SRD5A2: variants seen among roughly 807,000 people sequenced by gnomAD.
SRD5A2 encodes steroid 5 alpha-reductase 2.
A neutral mutation model predicts 27.4 loss-of-function variants in SRD5A2; 30 were observed. That is an observed-to-expected ratio of 1.10 (90% CI 0.82 to 1.49). The LOEUF (loss-of-function observed/expected upper bound fraction) is 1.49. Among genes scored for constraint, SRD5A2 ranks in the 40% most tolerant of loss-of-function variants. SRD5A2 has a pLI of 0.00. For synonymous variants in SRD5A2, 141 were observed against 133.6 expected, an observed-to-expected ratio of 1.06 and a Z score of -0.38; for missense variants, 348 against 323.4, an observed-to-expected ratio of 1.08 and a Z score of -0.58.
chr2:31,562,443 A>T (rs559176675), intron 1 of SRD5A2, among the ~76,000 whole-genome samples: 1 of 152,252 alleles, frequency 6.6e-6, no homozygotes, highest in South Asian at 2.1e-4. Flanking sequence ...TATTGACTGT[A>T]GTCAGTCTGT....
chr2:31,575,109 T>A (rs493165), intron 1 of SRD5A2, among the ~76,000 whole-genome samples: 152,344 of 152,346 alleles, frequency 1, 76,171 homozygotes, highest in Middle Eastern at 1. Context: ...AATGTTGCTT[T>A]TCTTGCTTGG....
At chr2:31,618,663 T>C in the SRD5A2 span, among the ~76,000 whole-genome samples, 1 of 152,062 alleles carries the variant, frequency 6.6e-6, no homozygotes, top group Non-Finnish European at 1.5e-5. Context: ...GGTGGTTACC[T>C]GAGGCTAAGG....
chr2:31,569,712 C>T (rs772192899), intron 1 of SRD5A2, among the ~76,000 whole-genome samples: 1 of 149,374 alleles, frequency 6.7e-6, no homozygotes, highest in East Asian at 1.9e-4. Context: ...AACTTTGATT[C>T]AAACTTGGAA....
At chr2:31,661,489 C>T in the SRD5A2 span, among the ~76,000 whole-genome samples, 1 of 152,120 alleles carries the variant, frequency 6.6e-6, no homozygotes, top group African/African-American at 2.4e-5. Context: ...TCTTCCAAGG[C>T]TGTTTGATAT....
At chr2:31,576,640 A>T (rs1407161498) in intron 1 of SRD5A2, among the ~76,000 whole-genome samples, 12 of 57,276 alleles carry the variant, frequency 2.1e-4, no homozygotes, top group African/African-American at 7.9e-4. Flanking sequence ...AGCCATCCCA[A>T]TACTGGGTAT....
the SRD5A2 span, among the ~76,000 whole-genome samples, chr2:31,631,894 C>A: frequency 6.6e-6 from 1 of 152,114 alleles, no homozygotes; most frequent in African/African-American, 2.4e-5. Context: ...CAGACATTTA[C>A]TAACTTGCGT....
At chr2:31,607,839 T>G in the SRD5A2 span, among the ~76,000 whole-genome samples, 1 of 151,968 alleles carries the variant, frequency 6.6e-6, no homozygotes. Context: ...CCCACCCCAG[T>G]GTGATAGTAT....
chr2:31,631,508 C>G, the SRD5A2 span, among the ~76,000 whole-genome samples: 4 of 152,034 alleles, frequency 2.6e-5, no homozygotes, highest in Non-Finnish European at 5.9e-5. Context: ...AAAAACACCC[C>G]TAAGATGTAT....
chr2:31,558,044 T>C (rs1666535296), intron 1 of SRD5A2, among the ~76,000 whole-genome samples: 2 of 152,204 alleles, frequency 1.3e-5, no homozygotes, highest in Admixed American at 6.5e-5. Flanking sequence ...TAAAGCTTTT[T>C]AGCCATGGAG....
At chr2:31,554,166 CT>C (rs1666444057) in intron 1 of SRD5A2, among the ~76,000 whole-genome samples, 1 of 152,082 alleles carries the variant, frequency 6.6e-6, no homozygotes, top group Non-Finnish European at 1.5e-5. Context: ...CACATAACAT[CT>C]GTTGTGAGTA....
At chr2:31,645,093 C>A in the SRD5A2 span, among the ~76,000 whole-genome samples, 1 of 152,150 alleles carries the variant, frequency 6.6e-6, no homozygotes, top group Admixed American at 6.5e-5. Flanking sequence ...CTAATTCTGG[C>A]ATCACACTTG....
the SRD5A2 span, among the ~76,000 whole-genome samples, chr2:31,652,711 C>T: frequency 6.6e-6 from 1 of 152,052 alleles, no homozygotes; most frequent in African/African-American, 2.4e-5. Context: ...GGATAAAGAC[C>T]ATGGAGAATA....
chr2:31,636,616 T>C, the SRD5A2 span, among the ~76,000 whole-genome samples: 1 of 152,116 alleles, frequency 6.6e-6, no homozygotes. Context: ...TGTGGGTTTG[T>C]CATATGTGGC....
the SRD5A2 span, among the ~76,000 whole-genome samples, chr2:31,591,038 T>G: frequency 3.3e-5 from 5 of 152,354 alleles, no homozygotes; most frequent in East Asian, 9.7e-4. Flanking sequence ...AAGGACTTCA[T>G]GTCTAAAACA....
At chr2:31,608,829 G>A in the SRD5A2 span, among the ~76,000 whole-genome samples, 1,018 of 152,076 alleles carry the variant, frequency 6.7e-3, 16 homozygotes, top group African/African-American at 0.023. Context: ...ACTATTGTTA[G>A]AAATCATACT....
intron 1 of SRD5A2, among the ~76,000 whole-genome samples, chr2:31,565,114 T>C (rs1446994674): frequency 1.3e-5 from 2 of 151,970 alleles, no homozygotes; most frequent in Non-Finnish European, 2.9e-5. Context: ...TTTTATACCA[T>C]ACTTGAAGTG....
At chr2:31,647,006 G>A in the SRD5A2 span, among the ~76,000 whole-genome samples, 6 of 152,062 alleles carry the variant, frequency 3.9e-5, no homozygotes, top group South Asian at 2.1e-4. Context: ...TTAGTGAGAC[G>A]TCATGGTGGG....
intron 1 of SRD5A2, among the ~76,000 whole-genome samples, chr2:31,554,214 C>T (rs192884637): frequency 2.0e-5 from 3 of 151,978 alleles, no homozygotes; most frequent in East Asian, 1.9e-4. Flanking sequence ...GAAAAAGACC[C>T]GGGTATCTTT....
At chr2:31,578,581 T>C (rs1667007401) in intron 1 of SRD5A2, among the ~76,000 whole-genome samples, 1 of 152,142 alleles carries the variant, frequency 6.6e-6, no homozygotes, top group South Asian at 2.1e-4. Flanking sequence ...CACACTCCAG[T>C]GGCTTCAAAG....
Sources: allele counts gnomAD v4.1 joint callset (sites outside exome capture counted in the v4.1 genomes callset), GRCh38; gene constraint gnomAD v4.1.1; transcripts MANE v1.5; gene names NCBI Gene and HGNC (gene_info 2026-07-23, HGNC 2026-07-21).